The following ANXA6 variants were observed in gnomAD, a reference collection of about 807,000 sequenced individuals.
ANXA6 encodes the protein annexin A6.
Under a neutral mutation model 95.4 loss-of-function variants are expected in ANXA6, and 71 were observed. That is an observed-to-expected ratio of 0.74 (90% CI 0.61 to 0.91). ANXA6 has a LOEUF of 0.91. Among genes scored for constraint, ANXA6 ranks in the 40% least tolerant of loss-of-function variants. The pLI, the probability that ANXA6 is intolerant of heterozygous loss-of-function variation, is 0.00. For missense variants in ANXA6, 830 were observed against 876.4 expected (o/e 0.95, Z 0.67); for synonymous variants, 289 against 315.9 (o/e 0.91, Z 0.90).
chr5:151,146,402 A>G (rs1765976449), intron 2 of ANXA6, among the ~76,000 whole-genome samples: 1 of 152,192 alleles, frequency 6.6e-6, no homozygotes. Context: ...TATACTCCTC[A>G]GTGGCTGTGA....
chr5:151,149,518 G>A (rs554793535), intron 1 of ANXA6, among the ~76,000 whole-genome samples: 14 of 151,932 alleles, frequency 9.2e-5, no homozygotes, highest in African/African-American at 2.7e-4. Context: ...ATGGAGTCTC[G>A]CTCTGTTACC....
At chr5:151,103,407 T>C (rs1311314504) in intron 25 of ANXA6, among the ~76,000 whole-genome samples, 163 bp downstream of exon 25, 1 of 152,232 alleles carries the variant, frequency 6.6e-6, no homozygotes, top group East Asian at 1.9e-4. Context: ...TGGAATTGAT[T>C]TCGGTATAAA....
chr5:151,139,408 C>T lies in ANXA6; in HGVS notation c.149G>A (p.Arg50Gln), dbSNP rs750002398. The T allele has an allele frequency of 5.0e-6, 8 of 1,613,690 alleles. No individual in the cohort carries two copies. Among genetic ancestry groups the T allele is most frequent in the Admixed American group, 3.3e-5 (2 of 60,004 alleles). ...KEAILDIITS[R>Q]SNRQRQEVCQ... ...GACCTCCTGCCTCTGCCTGTTGCTCCGTGAGGTGATTATGTCCAGTATGGC... is the reference window on the plus strand; with the variant it reads ...GACCTCCTGCCTCTGCCTGTTGCTCTGTGAGGTGATTATGTCCAGTATGGC... Residue 50 changes from arginine to glutamine, a missense_variant, in exon 4 of 26, where the codon CGG (arginine) becomes CAG (glutamine). Coordinates refer to ENST00000354546, the MANE Select transcript of ANXA6 (RefSeq NM_001155.5).
intron 10 of ANXA6, among the ~76,000 whole-genome samples, chr5:151,131,869 C>G (rs1441518332): frequency 2.0e-5 from 3 of 152,134 alleles, no homozygotes; most frequent in African/African-American, 4.8e-5. Flanking sequence ...GTCCATCCTT[C>G]CTGCCCCCAC....
At chr5:151,141,813 C>T (rs1438789037) in intron 2 of ANXA6, 5 of 720,626 alleles carry the variant, frequency 6.9e-6, no homozygotes, top group South Asian at 6.3e-5. Context: ...TAACACATGC[C>T]GAATACCCAG....
intron 20 of ANXA6, among the ~76,000 whole-genome samples, chr5:151,114,487 G>A (rs1420917303): frequency 1.3e-5 from 2 of 151,722 alleles, no homozygotes; most frequent in African/African-American, 4.8e-5. Flanking sequence ...GGTGTTGGGA[G>A]CTTGTAATCC....
At chr5:151,142,823 A>T (rs1765872472) in intron 2 of ANXA6, among the ~76,000 whole-genome samples, 1 of 152,062 alleles carries the variant, frequency 6.6e-6, no homozygotes, top group African/African-American at 2.4e-5. Context: ...CAATGTCAGG[A>T]CCTCCTGGGA....
rs1765506003 is a variant in ANXA6 at position 151,131,306 on chromosome 5, A to G, written c.737-17T>C. Reference sequence around the variant, plus strand: ...TACACTTCACTGTGAAGAGGGAGGAAGAGGTAGAGTTATTCTGGCTGCCTC... The same window carrying G: ...TACACTTCACTGTGAAGAGGGAGGAGGAGGTAGAGTTATTCTGGCTGCCTC... On this transcript the variant is annotated splice_polypyrimidine_tract_variant and intron_variant, in intron 10 of 25. Coordinates refer to ENST00000354546, the MANE Select transcript of ANXA6 (RefSeq NM_001155.5). The G allele has an allele frequency of 6.2e-7, 1 of 1,613,594 alleles. No individual in the cohort carries two copies. The highest frequency in any genetic ancestry group is 1.3e-5 in the African/African-American group (1 of 74,920).
rs370325414 is a variant in ANXA6, at chr5:151,132,520, C to G, written c.692G>C (p.Arg231Pro). ...TTGKPIEASI[R>P]GELSGDFEKL... ...CTCAAAGTCCCCAGACAGCTCCCCT[C>G]GGATGCTGGCTTCAATCGGCTTCCC... is the stretch of plus-strand genomic sequence containing the variant. The change falls in exon 10 of 26, where the codon CGA (arginine) becomes CCA (proline). Residue 231 changes from arginine (R) to proline (P), a missense_variant. Physicochemically the swap from Arg to Pro is moderately radical, Grantham distance 103. Transcript: ENST00000354546. 5 of 1,613,512 alleles carry G rather than the reference C, an allele frequency of 3.1e-6. No individual in the cohort carries two copies. The highest frequency in any genetic ancestry group is 3.4e-6 in the Non-Finnish European group (4 of 1,179,756).
chr5:151,109,446 C>T (rs931437782), intron 22 of ANXA6, among the ~76,000 whole-genome samples: 3 of 152,126 alleles, frequency 2.0e-5, no homozygotes, highest in Non-Finnish European at 4.4e-5. Context: ...ACCCCAGAAT[C>T]CTTAACACAG....
rs1177861653 is a variant in ANXA6, at chr5:151,132,538, G to A, written c.674C>T (p.Pro225Leu). 8 of 1,613,262 alleles carry A rather than the reference G, an allele frequency of 5.0e-6. No individual in the cohort carries two copies. The highest frequency in any genetic ancestry group is 2.7e-5 in the African/African-American group (2 of 74,866). The change falls in exon 10 of 26, where the codon CCG (proline) becomes CTG (leucine). Residue 225 changes from proline to leucine, a missense_variant. Pro to Leu is a moderately conservative substitution (Grantham distance 98). Transcript: ENST00000354546. ...FDEYLKTTGK[P>L]IEASIRGELS... The stretch of plus-strand genomic sequence containing the variant: ...CTCCCCTCGGATGCTGGCTTCAATC[G>A]GCTTCCCTGTGGTCTTCAGATACTC...
At position 151,103,675 on chromosome 5, in the gene ANXA6, C is replaced by T. The variant is rs376781251; in HGVS notation, c.1857G>A (p.Glu619=). 3.9e-5 allele frequency: 63 copies of T among 1,610,422 alleles called. No homozygotes were observed. The highest frequency in any genetic ancestry group is 5.3e-5 in the Non-Finnish European group (63 of 1,178,448). The part of the protein sequence containing the change: ...YKSMKGAGTD[E]KTLTRIMVSR... ...ATACCATGATCCTGGTCAGAGTCTT[C>T]TCATCTGTGCCAGCACCCTGGTGGA... The change falls in exon 25 of 26, where the codon GAG becomes GAA. Residue 619 remains glutamate, a synonymous_variant. Coordinates refer to ENST00000354546, the MANE Select transcript of ANXA6 (RefSeq NM_001155.5).
chr5:151,137,295 G>A lies in ANXA6; in HGVS notation c.345C>T (p.Leu115=). 6.2e-7 allele frequency: 1 copy of A among 1,613,482 alleles called. No individual in the cohort carries two copies. Among genetic ancestry groups the A allele is most frequent in the South Asian group, 1.1e-5 (1 of 91,030 alleles). The change falls in exon 6 of 26, where the codon CTC becomes CTT. Residue 115 remains leucine (L), a synonymous_variant. Transcript: ENST00000354546. The part of the protein sequence containing the change: ...ISGIGTDEKC[L]IEILASRTNE... The stretch of plus-strand genomic sequence containing the variant: ...TGGTCCGGGAAGCCAAGATCTCAAT[G>A]AGGCACTTCTCATCAGTGCCAATGC...
chr5:151,119,877 A>G (rs1765114834), intron 17 of ANXA6, among the ~76,000 whole-genome samples: 1 of 152,128 alleles, frequency 6.6e-6, no homozygotes. Flanking sequence ...TTAAGATAAA[A>G]TGCTAAATTT....
At chr5:151,130,493 G>A (rs1765464679) in intron 11 of ANXA6, among the ~76,000 whole-genome samples, 1 of 152,200 alleles carries the variant, frequency 6.6e-6, no homozygotes, top group South Asian at 2.1e-4. Context: ...GGCCTCAAGT[G>A]ATCCTCCCAC....
chr5:151,116,009 C>T (rs1764988110), intron 20 of ANXA6, among the ~76,000 whole-genome samples: 1 of 152,190 alleles, frequency 6.6e-6, no homozygotes, highest in African/African-American at 2.4e-5. Flanking sequence ...TCATTTTCTT[C>T]TAGTAAAAAG....
At chr5:151,104,683 T>C (rs1033705481) in intron 24 of ANXA6, among the ~76,000 whole-genome samples, 19 of 152,280 alleles carry the variant, frequency 1.2e-4, no homozygotes, top group Admixed American at 6.5e-4. Context: ...CTATCTGCAG[T>C]TGAGACTCCA....
intron 8 of ANXA6, among the ~76,000 whole-genome samples, chr5:151,134,105 T>A (rs1353214730): frequency 6.6e-6 from 1 of 152,218 alleles, no homozygotes; most frequent in East Asian, 1.9e-4. Context: ...CTTGATTTTG[T>A]TCATTAGTGA....
chr5:151,126,416 C>G lies in ANXA6; in HGVS notation c.1042G>C (p.Val348Leu), dbSNP rs1181052809. ...GAAGGTCTGACCTCTACTCGGGCCA[C>G]TGCACTAAGTTCCCACATCTGATAG... ...VAYQMWELSA[V>L]ARVELKGTVR... The change falls in exon 14 of 26, where the codon GTG (valine) becomes CTG (leucine). Residue 348 changes from valine (V) to leucine (L), a missense_variant. By Grantham distance (32) the Val-to-Leu change is conservative. Coordinates refer to ENST00000354546, the MANE Select transcript of ANXA6 (RefSeq NM_001155.5). 1.2e-6 allele frequency: 2 copies of G among 1,610,088 alleles called. No homozygotes were observed. Among genetic ancestry groups the G allele is most frequent in the Non-Finnish European group, 1.7e-6 (2 of 1,178,228 alleles).
Sources: allele counts gnomAD v4.1 joint callset (sites outside exome capture counted in the v4.1 genomes callset), GRCh38; gene constraint gnomAD v4.1.1; transcripts MANE v1.5; gene names NCBI Gene and HGNC (gene_info 2026-07-23, HGNC 2026-07-21).